Variants in GRXCR1 observed in about 807,000 individuals in gnomAD.
GRXCR1 encodes the protein glutaredoxin domain-containing cysteine-rich protein 1.
In GRXCR1, 27 loss-of-function variants were observed where a neutral mutation model predicts 27.3. The observed-to-expected ratio is 0.99, with a 90% CI of 0.73 to 1.37. The LOEUF (loss-of-function observed/expected upper bound fraction) is 1.37. Among genes scored for constraint, GRXCR1 ranks in the 40% most tolerant of loss-of-function variants. The probability of loss-of-function intolerance (pLI) is 0.00; values close to 1 mark genes in which losing one functional copy is unlikely to be tolerated. For missense variants in GRXCR1, 379 were observed against 354.4 expected, an observed-to-expected ratio of 1.07 and a Z score of -0.56; for synonymous variants, 122 against 131.1, an observed-to-expected ratio of 0.93 and a Z score of 0.47.
rs1423150385 is a variant in GRXCR1, at chr4:42,975,265, T to C, written c.627+12131T>C. Among the ~76,000 whole-genome samples, 4 of 152,152 alleles carry C rather than the reference T, an allele frequency of 2.6e-5. No homozygotes were observed. In the East Asian group the frequency reaches 5.8e-4, roughly 22 times the overall value. ...AGTCCCTGGGCCTAGAGGGATTGAA[T>C]AGTTTTAATATCTGGCTCTGTGCCT... On this transcript the variant is annotated intron_variant, in intron 2 of 3. Transcript: ENST00000399770.
intron 2 of GRXCR1, among the ~76,000 whole-genome samples, chr4:42,970,290 T>C (rs34307733): frequency 1.3e-5 from 2 of 152,052 alleles, no homozygotes; most frequent in South Asian, 2.1e-4. Flanking sequence ...GATGGCCTTC[T>C]TCTCATAGCT....
At chr4:42,945,850 AT>A (rs1209325961) in intron 1 of GRXCR1, among the ~76,000 whole-genome samples, 1 of 152,194 alleles carries the variant, frequency 6.6e-6, no homozygotes, top group Admixed American at 6.6e-5. Context: ...GTTTTTGAGC[AT>A]CACTTTACTG....
chr4:42,997,203 G>T (rs953831423), intron 2 of GRXCR1, among the ~76,000 whole-genome samples: 1 of 152,120 alleles, frequency 6.6e-6, no homozygotes, highest in African/African-American at 2.4e-5. Flanking sequence ...TCTTAAAATA[G>T]ATTACTGAAA....
chr4:42,937,936 AT>A (rs1163504089), intron 1 of GRXCR1, among the ~76,000 whole-genome samples: 1 of 151,942 alleles, frequency 6.6e-6, no homozygotes, highest in Non-Finnish European at 1.5e-5. Context: ...TTTCAATTGA[AT>A]TCTCTAAGTT....
intron 1 of GRXCR1, among the ~76,000 whole-genome samples, chr4:42,942,496 T>G (rs1454861475): frequency 1.3e-5 from 2 of 152,056 alleles, no homozygotes; most frequent in African/African-American, 4.8e-5. Flanking sequence ...AGGCAAACTT[T>G]CTGTAGAATG....
At chr4:42,991,193 G>A (rs1711960717) in intron 2 of GRXCR1, among the ~76,000 whole-genome samples, 1 of 151,702 alleles carries the variant, frequency 6.6e-6, no homozygotes, top group African/African-American at 2.4e-5. Context: ...ATATTTCTTT[G>A]TTCATTTGTT....
intron 2 of GRXCR1, among the ~76,000 whole-genome samples, chr4:42,963,659 C>T (rs184696593): frequency 4.6e-5 from 7 of 151,934 alleles, no homozygotes; most frequent in South Asian, 4.1e-4. Context: ...TTCAGGCTTA[C>T]GGTAAGCAGA....
chr4:42,989,893 C>G (rs1265547117), intron 2 of GRXCR1, among the ~76,000 whole-genome samples: 1 of 152,078 alleles, frequency 6.6e-6, no homozygotes, highest in Non-Finnish European at 1.5e-5. Flanking sequence ...TCTTCTTAAA[C>G]TCTGAAGGAA....
chr4:42,892,715 C>T lies in GRXCR1; in HGVS notation c.-552C>T, dbSNP rs1262260145. The T allele has an allele frequency of 3.2e-5, 5 of 153,876 alleles. No homozygotes were observed. The highest frequency in any genetic ancestry group is 1.2e-4 in the African/African-American group (5 of 41,430). The allele number at this position is 153,876 out of a possible 1,614,324, so 9.5% of individuals were successfully genotyped here. A position where few individuals can be genotyped will look rare whatever the true frequency, so the allele number is the denominator to read the frequency against. On this transcript the variant is annotated 5_prime_UTR_variant, in exon 1 of 4. Transcript: ENST00000399770. ...AATCTAACTGATGATTTAATAAGAACTAATAGTAATAGCTCTATGCAGGCA... is the reference window on the plus strand; with the variant it reads ...AATCTAACTGATGATTTAATAAGAATTAATAGTAATAGCTCTATGCAGGCA...
At chr4:43,024,683 G>A (rs1434943251) in intron 3 of GRXCR1, among the ~76,000 whole-genome samples, 3 of 152,084 alleles carry the variant, frequency 2.0e-5, no homozygotes, top group Non-Finnish European at 4.4e-5. Context: ...TAAGGATGCC[G>A]GAAACACTGA....
At chr4:43,000,342 G>A (rs1207839713) in intron 2 of GRXCR1, among the ~76,000 whole-genome samples, 2 of 151,974 alleles carry the variant, frequency 1.3e-5, no homozygotes, top group Non-Finnish European at 2.9e-5. Context: ...TGGGTGTGAT[G>A]GTGCACACCT....
chr4:43,028,320 T>G (rs1713320627), intron 3 of GRXCR1, among the ~76,000 whole-genome samples: 1 of 152,216 alleles, frequency 6.6e-6, no homozygotes, highest in Non-Finnish European at 1.5e-5. Context: ...TAGTACATAC[T>G]TAAACAAAAA....
intron 1 of GRXCR1, among the ~76,000 whole-genome samples, chr4:42,930,006 C>A (rs1747266325): frequency 6.6e-6 from 1 of 152,008 alleles, no homozygotes; most frequent in Non-Finnish European, 1.5e-5. Context: ...AGAGCTGAAG[C>A]CAAGCCTTAA....
At chr4:42,966,023 A>G (rs900876098) in intron 2 of GRXCR1, among the ~76,000 whole-genome samples, 3 of 151,880 alleles carry the variant, frequency 2.0e-5, no homozygotes, top group Non-Finnish European at 2.9e-5. Context: ...AAAAATGAAG[A>G]TGGAAGCAAT....
intron 2 of GRXCR1, among the ~76,000 whole-genome samples, chr4:43,007,874 C>T (rs1002527065): frequency 6.6e-6 from 1 of 152,208 alleles, no homozygotes; most frequent in African/African-American, 2.4e-5. Flanking sequence ...CTTTTACTCT[C>T]ACACCTCATA....
intron 1 of GRXCR1, among the ~76,000 whole-genome samples, chr4:42,921,554 A>G (rs1747010888): frequency 6.6e-6 from 1 of 152,088 alleles, no homozygotes; most frequent in South Asian, 2.1e-4. Flanking sequence ...ACCGTGTACT[A>G]TGTATATATA....
chr4:42,915,063 T>C (rs141763055), intron 1 of GRXCR1, among the ~76,000 whole-genome samples: 175 of 152,270 alleles, frequency 1.1e-3, no homozygotes, highest in Non-Finnish European at 2.1e-3. Flanking sequence ...CTTGGGGATT[T>C]CTTCATAGCA....
At chr4:43,011,742 A>G (rs2109802893) in intron 2 of GRXCR1, among the ~76,000 whole-genome samples, 1 of 152,342 alleles carries the variant, frequency 6.6e-6, no homozygotes, top group Admixed American at 6.5e-5. Flanking sequence ...GTAGTGCCTT[A>G]TAAAAATGGG....
intron 2 of GRXCR1, among the ~76,000 whole-genome samples, chr4:43,007,581 C>T (rs969379283): frequency 2.6e-5 from 4 of 151,952 alleles, no homozygotes; most frequent in African/African-American, 9.7e-5. Context: ...AGGTGGTGGA[C>T]CCCAGAAATA....
Sources: gnomAD v4.1 joint callset for allele counts (sites outside exome capture counted in the v4.1 genomes callset) on GRCh38, gnomAD v4.1.1 for gene constraint, MANE v1.5 for transcripts, NCBI Gene and HGNC (gene_info 2026-07-23, HGNC 2026-07-21) for gene names.